The following PRR14L variants were observed in gnomAD, a reference collection of about 807,000 sequenced individuals.
PRR14L encodes the protein proline rich 14 like.
In PRR14L, 80 loss-of-function variants were observed where a neutral mutation model predicts 155.0. That is an observed-to-expected ratio of 0.52 (90% CI 0.43 to 0.62). The LOEUF (loss-of-function observed/expected upper bound fraction) is 0.62, where lower values mean the gene tolerates loss of function less well. PRR14L is among the 20% of genes least tolerant of loss of function. The pLI is 0.00. For missense variants in PRR14L, 2,469 were observed against 2,548.0 expected (o/e 0.97, Z 0.67); for synonymous variants, 883 against 916.0 (o/e 0.96, Z 0.65).
intron 1 of PRR14L, among the ~76,000 whole-genome samples, chr22:31,742,526 G>A (rs1463278483): frequency 1.3e-5 from 2 of 151,950 alleles, no homozygotes; most frequent in Non-Finnish European, 2.9e-5. Flanking sequence ...GCCATCACGC[G>A]TGGCTAATTT....
At chr22:31,707,067 G>C (rs2074596243) in intron 4 of PRR14L, among the ~76,000 whole-genome samples, 1 of 151,554 alleles carries the variant, frequency 6.6e-6, no homozygotes, top group Non-Finnish European at 1.5e-5. Flanking sequence ...AAAGAAGAAA[G>C]AAAAGAAAAA....
chr22:31,701,216 G>C (rs531253107), intron 7 of PRR14L, among the ~76,000 whole-genome samples: 100 of 151,828 alleles, frequency 6.6e-4, no homozygotes, highest in Admixed American at 3.7e-3. Context: ...TCGAACTCCC[G>C]ACCTCAGGTG....
intron 4 of PRR14L, among the ~76,000 whole-genome samples, chr22:31,708,752 A>G (rs2074605145): frequency 1.3e-5 from 2 of 152,122 alleles, no homozygotes; most frequent in African/African-American, 4.8e-5. Context: ...TCAGCCTCTG[A>G]GTAGCTGGGA....
At position 31,713,967 on chromosome 22, in the gene PRR14L, C is replaced by T. The variant is rs2074638986; in HGVS notation, c.3872G>A (p.Trp1291Ter). Residue 1291 changes from tryptophan (W) to a stop codon, truncating the protein, a stop_gained, in exon 4 of 9, where the codon TGG becomes TAG. Coordinates refer to ENST00000327423, the MANE Select transcript of PRR14L (RefSeq NM_173566.3). LOFTEE classifies it high-confidence loss of function. ...GCTGTCTCTGTCACTAGAATTACTC[C>T]AATCTCTTGATACTATTTCCTTCAT... ...PEMKEIVSRDWSNSSDRDSVC... is the reference protein window; with the variant it reads ...PEMKEIVSRD 1 of 1,551,676 alleles carries T rather than the reference C, an allele frequency of 6.4e-7. No individual in the cohort carries two copies. Among genetic ancestry groups the T allele is most frequent in the South Asian group, 1.2e-5 (1 of 84,064 alleles).
chr22:31,689,080 A>G (rs5994423), intron 7 of PRR14L, among the ~76,000 whole-genome samples: 4,071 of 152,262 alleles, frequency 0.027, 181 homozygotes, highest in African/African-American at 0.09. Flanking sequence ...ATGGTTTTAA[A>G]TTTTTTAAAG....
At chr22:31,708,897 G>A (rs1476368981) in intron 4 of PRR14L, among the ~76,000 whole-genome samples, 1 of 152,066 alleles carries the variant, frequency 6.6e-6, no homozygotes, top group Non-Finnish European at 1.5e-5. Context: ...TGCAATCTCG[G>A]CTCAGCACAA....
In PRR14L at chr22:31,709,537, T is replaced by G. The variant is rs868330392; in HGVS notation, c.5756+2546A>C. Among the ~76,000 whole-genome samples the G allele has an allele frequency of 5.0e-3, 651 of 130,706 alleles. 9 individuals are homozygous for G. The highest frequency in any genetic ancestry group is 0.02 in the African/African-American group (625 of 31,576). The allele number at this position is 130,706 out of a possible 152,430, so 85.7% of individuals were successfully genotyped here. On this transcript the variant is annotated intron_variant, in intron 4 of 8. Coordinates refer to ENST00000327423, the MANE Select transcript of PRR14L (RefSeq NM_173566.3). Reference sequence around the variant, plus strand: ...CTGCACCCAGACGCCTGTGGGGTTTTTTTTTTTTTTTTTTTTTTTTTTGAG... The same window carrying G: ...CTGCACCCAGACGCCTGTGGGGTTTGTTTTTTTTTTTTTTTTTTTTTTGAG...
chr22:31,703,718 C>G lies in PRR14L; in HGVS notation c.5832G>C (p.Leu1944=). ...GTACCAAGGCAGGGAATGGAGGCTC[C>G]AGCCTAGCACCATGAAGAGAAAGAA... ...TYNTSGSQTR[L]EPPFPALVPK... is the part of the protein sequence containing the mutation. Residue 1944 remains leucine, a synonymous_variant, in exon 6 of 9, where the codon CTG becomes CTC. Coordinates refer to ENST00000327423, the MANE Select transcript of PRR14L (RefSeq NM_173566.3). The G allele has an allele frequency of 6.5e-7, 1 of 1,536,702 alleles. No homozygotes were observed. Among genetic ancestry groups the G allele is most frequent in the Non-Finnish European group, 8.8e-7 (1 of 1,138,966 alleles).
In PRR14L at chr22:31,716,507, A is replaced by T. The variant is rs1466571539; in HGVS notation, c.1332T>A (p.Asn444Lys). Residue 444 changes from asparagine (N) to lysine (K), a missense_variant, in exon 4 of 9, where the codon AAT becomes AAA. Physicochemically the swap from Asn to Lys is moderately conservative, Grantham distance 94. This residue lies in a region of PRR14L where 2,363 missense variants were observed against 2,371.6 expected (regional missense o/e 1.00). Transcript: ENST00000327423. ...TATGGAGACTGTCTTGAATGCAGTT[A>T]TTGTGGATATTTTCCTTTGGAGAAA... ...PVVSPKENIH[N>K]NCIQDSLHTG... 16 of 1,546,808 alleles carry T rather than the reference A, an allele frequency of 1.0e-5. No homozygotes were observed. In the Admixed American group the frequency reaches 2.6e-4, roughly 25 times the overall value.
intron 4 of PRR14L, among the ~76,000 whole-genome samples, chr22:31,705,520 C>T (rs140111839): frequency 0.017 from 2,546 of 151,978 alleles, 32 homozygotes; most frequent in Non-Finnish European, 0.027. Flanking sequence ...ACTATAGGCG[C>T]GTGCCATCAT....
At chr22:31,689,570 C>G (rs1394400347) in intron 7 of PRR14L, among the ~76,000 whole-genome samples, 4 of 152,018 alleles carry the variant, frequency 2.6e-5, no homozygotes, top group Non-Finnish European at 5.9e-5. Flanking sequence ...CTAATCAAGA[C>G]CAGTTTTTTT....
In PRR14L at chr22:31,683,773, A is replaced by G. The variant is rs2147848963; in HGVS notation, c.*1754T>C. 6.6e-6 allele frequency: 1 copy of G among 152,644 alleles called. No homozygotes were observed. Among genetic ancestry groups the G allele is most frequent in the South Asian group, 2.1e-4 (1 of 4,820 alleles). 9.5% of individuals were successfully genotyped at this position (152,644 alleles called of 1,614,324 possible). On this transcript the variant is annotated 3_prime_UTR_variant, in exon 9 of 9. Transcript: ENST00000327423. ...TGCTCCAGTGTGGCATAGACTGTCA[A>G]CCTGCAAAAGCAAGGCACATAGAGA... is the stretch of plus-strand genomic sequence containing the variant.
In PRR14L at chr22:31,685,133, A is replaced by G; in HGVS notation, c.*394T>C. On this transcript the variant is annotated 3_prime_UTR_variant, in exon 9 of 9. Coordinates refer to ENST00000327423, the MANE Select transcript of PRR14L (RefSeq NM_173566.3). ...ACGTTTCTAATAATCTTGGTCTAGC[A>G]CCACCGTAAACAAAGCGGAACTTTC... The G allele has an allele frequency of 5.5e-6, 1 of 181,068 alleles. No individual in the cohort carries two copies. The highest frequency in any genetic ancestry group is 1.2e-4 in the South Asian group (1 of 8,244). 11.2% of individuals were successfully genotyped at this position (181,068 alleles called of 1,614,324 possible).
intron 7 of PRR14L, among the ~76,000 whole-genome samples, chr22:31,693,760 T>A (rs78157452): frequency 6.6e-6 from 1 of 152,206 alleles, no homozygotes; most frequent in South Asian, 2.1e-4. Context: ...TTTGTTTCTG[T>A]ACTTCACTGT....
intron 1 of PRR14L, among the ~76,000 whole-genome samples, chr22:31,743,625 A>C (rs1352537459): frequency 6.6e-6 from 1 of 151,966 alleles, no homozygotes; most frequent in African/African-American, 2.4e-5. Context: ...ACATGGTGAA[A>C]CCCTGTCTCT....
rs983492717 is a variant in PRR14L, at chr22:31,715,348, G to A, written c.2491C>T (p.Arg831Cys). Residue 831 changes from arginine (R) to cysteine (C), a missense_variant, in exon 4 of 9, where the codon CGT becomes TGT. Arg to Cys is a radical substitution (Grantham distance 180). Transcript: ENST00000327423. ...CCTGTTCCTTGGCAGCAGTGATCAC[G>A]GTGCTGAAATGCATTTTCATATTTT... ...ITKYENAFQH[R>C]DHCCQGTGHS... is the part of the protein sequence containing the mutation. 2.6e-5 allele frequency: 41 copies of A among 1,551,850 alleles called. No homozygotes were observed. Among genetic ancestry groups the A allele is most frequent in the East Asian group, 9.8e-5 (4 of 40,936 alleles).
At chr22:31,731,331 G>A (rs867996255) in intron 2 of PRR14L, among the ~76,000 whole-genome samples, 2 of 151,914 alleles carry the variant, frequency 1.3e-5, no homozygotes, top group African/African-American at 2.4e-5. Context: ...TTGGGAGGCC[G>A]AGGTGGGCGG....
chr22:31,703,812 T>C (rs1367468941), intron 5 of PRR14L, 91 bp from the exon 6 acceptor site: 1 of 875,148 alleles, frequency 1.1e-6, no homozygotes, highest in Admixed American at 3.4e-5. Flanking sequence ...TTTTTTTTTT[T>C]TTGAGAAGGA....
chr22:31,715,455 A>C lies in PRR14L; in HGVS notation c.2384T>G (p.Val795Gly). ...ISSCHRVRKN[V>G]SQENMCSASA... ...AGCAGAACACATGTTTTCCTGGGATACATTTTTTCTTACACGATGACAGCT... is the reference window on the plus strand; with the variant it reads ...AGCAGAACACATGTTTTCCTGGGATCCATTTTTTCTTACACGATGACAGCT... The change falls in exon 4 of 9, where the codon GTA becomes GGA. Residue 795 changes from valine (V) to glycine (G), a missense_variant. Val to Gly is a moderately radical substitution (Grantham distance 109). This residue lies in a region of PRR14L where 2,363 missense variants were observed against 2,371.6 expected (regional missense o/e 1.00). Coordinates refer to ENST00000327423, the MANE Select transcript of PRR14L (RefSeq NM_173566.3). 1 of 1,552,394 alleles carries C rather than the reference A, an allele frequency of 6.4e-7. No individual in the cohort carries two copies. Among genetic ancestry groups the C allele is most frequent in the South Asian group, 1.2e-5 (1 of 84,066 alleles).
Sources: gnomAD v4.1 joint callset for allele counts (sites outside exome capture counted in the v4.1 genomes callset) on GRCh38, gnomAD v4.1.1 for gene constraint, gnomAD v4.1.1 regional missense constraint, MANE v1.5 for transcripts, NCBI Gene and HGNC (gene_info 2026-07-23, HGNC 2026-07-21) for gene names.